Variants in MROH2B observed in about 807,000 individuals in gnomAD.
The protein encoded by MROH2B is maestro heat like repeat family member 2B.
In MROH2B, 177 loss-of-function variants were observed where a neutral mutation model predicts 208.6. That is an observed-to-expected ratio of 0.85 (90% CI 0.75 to 0.96). The LOEUF (loss-of-function observed/expected upper bound fraction) is 0.96, where lower values mean the gene tolerates loss of function less well. Ranked by LOEUF, MROH2B falls within the 40% of genes least tolerant of loss-of-function variation. MROH2B has a pLI of 0.00. For synonymous variants in MROH2B, 728 were observed against 659.0 expected (o/e 1.10, Z -1.60); for missense variants, 2,002 against 1,878.7 (o/e 1.07, Z -1.21).
At chr5:41,055,655 G>C in intron 10 of MROH2B, 87 bp downstream of exon 10, 1 of 921,036 alleles carries the variant, frequency 1.1e-6, no homozygotes. Context: ...GCATCCAAAA[G>C]ACATAGGATA....
intron 3 of MROH2B, 132 bp from the exon 4 acceptor site, chr5:41,065,622 G>T: frequency 1.4e-6 from 1 of 735,800 alleles, no homozygotes; most frequent in Non-Finnish European, 2.1e-6. Flanking sequence ...GGGGGTACAT[G>T]TGCAGGTTGG....
rs1377216724 is a variant in MROH2B, at chr5:40,998,597, T to G, written c.4651+15A>C. ...ATGTAACAATATGCTGGGAAGAAAC[T>G]AGGTTGGTACTCACGTGTGGTCAGT... is the stretch of plus-strand genomic sequence containing the variant. On this transcript the variant is annotated intron_variant, in intron 41 of 41. Transcript: ENST00000399564. 6.3e-7 allele frequency: 1 copy of G among 1,580,650 alleles called. No individual in the cohort carries two copies. The highest frequency in any genetic ancestry group is 8.6e-7 in the Non-Finnish European group (1 of 1,159,096).
In MROH2B at chr5:41,064,551, GA is replaced by G. The variant is rs1185227163; in HGVS notation, c.380del (p.Phe127SerfsTer2). ...ATSYVSQSIP[F>X]MMMTLLTMQT... ...GCATGGTGAGCAGGGTCATCATCATGAAAGGAATACTCTGGGACACTGGAGG... is the reference window on the plus strand; with the variant it reads ...GCATGGTGAGCAGGGTCATCATCATGAAGGAATACTCTGGGACACTGGAGG... On this transcript the variant is annotated frameshift_variant, in exon 5 of 42. Transcript: ENST00000399564. LOFTEE classifies it high-confidence loss of function. 1 of 1,613,152 alleles carries G rather than the reference GA, an allele frequency of 6.2e-7. No individual in the cohort carries two copies. The highest frequency in any genetic ancestry group is 8.5e-7 in the Non-Finnish European group (1 of 1,179,512).
intron 6 of MROH2B, among the ~76,000 whole-genome samples, chr5:41,060,740 G>A (rs577544609): frequency 2.0e-5 from 3 of 152,182 alleles, no homozygotes; most frequent in Non-Finnish European, 4.4e-5. Flanking sequence ...GAGAGTAGTC[G>A]TTAAACAGAT....
At chr5:41,066,007 A>T (rs1392386942) in intron 3 of MROH2B, among the ~76,000 whole-genome samples, 1 of 152,192 alleles carries the variant, frequency 6.6e-6, no homozygotes, top group Non-Finnish European at 1.5e-5. Flanking sequence ...GCTGGTTTTA[A>T]TAGAGTTCTA....
chr5:41,033,195 C>G, intron 22 of MROH2B, 35 bp from the exon 23 acceptor site: 1 of 1,608,520 alleles, frequency 6.2e-7, no homozygotes, highest in Non-Finnish European at 8.5e-7. Context: ...AAGTCAAGGT[C>G]TAAGACACCA....
intron 40 of MROH2B, among the ~76,000 whole-genome samples, 196 bp from the exon 41 acceptor site, chr5:40,998,873 G>A (rs773604579): frequency 1.5e-4 from 23 of 152,214 alleles, no homozygotes; most frequent in Non-Finnish European, 2.5e-4. Flanking sequence ...ATGTCTGCAA[G>A]TAGTCACTTA....
intron 37 of MROH2B, among the ~76,000 whole-genome samples, chr5:41,002,653 A>G (rs945697772): frequency 6.6e-6 from 1 of 152,162 alleles, no homozygotes; most frequent in African/African-American, 2.4e-5. Context: ...CTTTTATGCA[A>G]ACGTGATGGA....
intron 21 of MROH2B, among the ~76,000 whole-genome samples, chr5:41,035,055 TCAAA>T (rs1742709857): frequency 6.6e-6 from 1 of 152,014 alleles, no homozygotes; most frequent in South Asian, 2.1e-4. Flanking sequence ...GGTATTCCTA[TCAAA>T]TTACCAATGT....
rs777165321 is a variant in MROH2B, at chr5:40,999,258, A to AACAT, written c.4585+415_4585+418dup. ...GCCAGGGGCTGCTGGCCCCCACATG[A>AACAT]ACATACTTCCCACTTGTATCATGTT... On this transcript the variant is annotated intron_variant, in intron 40 of 41. Transcript: ENST00000399564. Among the ~76,000 whole-genome samples, 7 of 152,204 alleles carry AACAT rather than the reference A, an allele frequency of 4.6e-5. No homozygotes were observed. In the South Asian group the frequency reaches 6.2e-4, roughly 13 times the overall value.
At chr5:41,010,236 G>A (rs1741732419) in intron 30 of MROH2B, among the ~76,000 whole-genome samples, 157 bp from the exon 31 acceptor site, 1 of 152,180 alleles carries the variant, frequency 6.6e-6, no homozygotes, top group Non-Finnish European at 1.5e-5. Flanking sequence ...TCACTCAGGA[G>A]GATTGTTCAT....
intron 34 of MROH2B, among the ~76,000 whole-genome samples, chr5:41,006,299 C>T (rs1208339289): frequency 6.6e-6 from 1 of 152,024 alleles, no homozygotes; most frequent in Non-Finnish European, 1.5e-5. Context: ...CACCTCACTC[C>T]TGCAAGAATG....
intron 24 of MROH2B, among the ~76,000 whole-genome samples, chr5:41,032,490 A>G (rs1241461508): frequency 6.6e-6 from 1 of 152,122 alleles, no homozygotes; most frequent in Non-Finnish European, 1.5e-5. Context: ...GAGAAATTTT[A>G]GTCCTCATAT....
Position 41,038,768 on chromosome 5 carries a change from G to C in MROH2B, c.2182C>G (p.Gln728Glu), listed in dbSNP as rs202186507. The C allele has an allele frequency of 3.2e-4, 511 of 1,613,168 alleles. 2 individuals are homozygous for C. Among genetic ancestry groups the C allele is most frequent in the Admixed American group, 5.5e-4 (33 of 59,962 alleles). ...CACTGGCCATGAAGAGACAGGACTT[G>C]GGATATGATATCTTGATTAAGTCTG... ...LSRLNQDIISQVLSLHGQCSQ... is the reference protein window; with the variant it reads ...LSRLNQDIISEVLSLHGQCSQ... Residue 728 changes from glutamine (Q) to glutamate (E), a missense_variant, in exon 21 of 42, where the codon CAA becomes GAA. Coordinates refer to ENST00000399564, the MANE Select transcript of MROH2B (RefSeq NM_173489.5).
At chr5:41,065,555 A>G in intron 3 of MROH2B, 65 bp from the exon 4 acceptor site, 1 of 1,293,070 alleles carries the variant, frequency 7.7e-7, no homozygotes, top group African/African-American at 1.5e-5. Flanking sequence ...TATGGAGGGG[A>G]ACTAGTCAGC....
In MROH2B at chr5:40,998,273, C is replaced by T. The variant is rs879410; in HGVS notation, c.4652-115G>A. The T allele has an allele frequency of 0.014, 10,230 of 728,998 alleles. 760 individuals carry two copies. In the African/African-American group the frequency reaches 0.16, roughly 11 times the overall value. 45.2% of individuals were successfully genotyped at this position (728,998 alleles called of 1,614,324 possible). On this transcript the variant is annotated intron_variant, in intron 41 of 41. Transcript: ENST00000399564. ...CTGAGGGTCAGACCCAAGTGGGGCTCAGGTCCTCATGCTCACATTTTATCC... is the reference window on the plus strand; with the variant it reads ...CTGAGGGTCAGACCCAAGTGGGGCTTAGGTCCTCATGCTCACATTTTATCC...
intron 35 of MROH2B, 65 bp downstream of exon 35, chr5:41,005,466 C>A: frequency 1.2e-6 from 1 of 864,556 alleles, no homozygotes. Context: ...CACTGGGCTC[C>A]AGACCATAAG....
At chr5:41,058,014 G>A (rs1743514984) in intron 7 of MROH2B, 49 bp downstream of exon 7, 2 of 1,424,782 alleles carry the variant, frequency 1.4e-6, no homozygotes, top group Admixed American at 5.2e-5. Context: ...CCTCCCGGAG[G>A]GTTGCATGCG....
chr5:41,018,063 C>T (rs1742014956), intron 27 of MROH2B, 93 bp from the exon 28 acceptor site: 10 of 1,437,682 alleles, frequency 7.0e-6, no homozygotes, highest in Non-Finnish European at 9.3e-6. Flanking sequence ...CTTATTTTCT[C>T]TCTGCAGGTC....
Sources: gnomAD v4.1 joint callset for allele counts (sites outside exome capture counted in the v4.1 genomes callset) on GRCh38, gnomAD v4.1.1 for gene constraint, MANE v1.5 for transcripts, NCBI Gene and HGNC (gene_info 2026-07-23, HGNC 2026-07-21) for gene names.